Variants in CCSER1 observed in about 807,000 individuals in gnomAD.
The protein encoded by CCSER1 is serine-rich coiled-coil domain-containing protein 1.
A neutral mutation model predicts 82.0 loss-of-function variants in CCSER1; 41 were observed. The observed-to-expected ratio is 0.50, with a 90% CI of 0.39 to 0.65. The LOEUF (loss-of-function observed/expected upper bound fraction) is 0.65, where lower values mean the gene tolerates loss of function less well. Ranked by LOEUF, CCSER1 falls within the 30% of genes least tolerant of loss-of-function variation. CCSER1 has a pLI of 0.00. For missense variants in CCSER1, 1,119 were observed against 1,064.2 expected, an observed-to-expected ratio of 1.05 and a Z score of -0.72; for synonymous variants, 414 against 383.9, an observed-to-expected ratio of 1.08 and a Z score of -0.92.
intron 6 of CCSER1, among the ~76,000 whole-genome samples, chr4:90,658,596 T>A (rs1730155038): frequency 6.6e-6 from 1 of 152,154 alleles, no homozygotes; most frequent in Non-Finnish European, 1.5e-5. Context: ...TGACACCAAA[T>A]GTTACATTTG....
chr4:91,006,953 C>G (rs1183604377), intron 9 of CCSER1, among the ~76,000 whole-genome samples: 1 of 152,132 alleles, frequency 6.6e-6, no homozygotes, highest in Non-Finnish European at 1.5e-5. Context: ...TACATACTTG[C>G]TATCCCTAAT....
At chr4:91,285,254 T>G (rs1438869573) in intron 10 of CCSER1, among the ~76,000 whole-genome samples, 4 of 151,596 alleles carry the variant, frequency 2.6e-5, no homozygotes, top group Admixed American at 2.0e-4. Context: ...TGGGTTTTTT[T>G]TTTTTTTTTT....
intron 1 of CCSER1, among the ~76,000 whole-genome samples, chr4:90,294,769 C>T (rs956016181): frequency 6.6e-6 from 1 of 151,954 alleles, no homozygotes; most frequent in Non-Finnish European, 1.5e-5. Flanking sequence ...AACACCATGT[C>T]CCCGTTGACG....
At chr4:91,242,632 A>C (rs1457747489) in intron 10 of CCSER1, among the ~76,000 whole-genome samples, 7 of 152,194 alleles carry the variant, frequency 4.6e-5, no homozygotes, top group Middle Eastern at 3.2e-3. Flanking sequence ...CATGAAAGAA[A>C]AATCTTGACA....
intron 6 of CCSER1, among the ~76,000 whole-genome samples, chr4:90,647,398 C>T (rs1727786257): frequency 6.6e-6 from 1 of 152,098 alleles, no homozygotes; most frequent in Non-Finnish European, 1.5e-5. Context: ...TTTTACAGGG[C>T]TTTCTAGATT....
intron 10 of CCSER1, among the ~76,000 whole-genome samples, chr4:91,107,250 A>G (rs577475083): frequency 6.6e-6 from 1 of 152,038 alleles, no homozygotes; most frequent in Non-Finnish European, 1.5e-5. Flanking sequence ...AAATCACCTG[A>G]CAATGCATTT....
intron 9 of CCSER1, among the ~76,000 whole-genome samples, chr4:91,083,415 G>A (rs114300082): frequency 6.6e-6 from 1 of 151,906 alleles, no homozygotes. Flanking sequence ...CTGCCGGGGG[G>A]TTGGCGGGGG....
At chr4:91,127,275 G>GA (rs975964620) in intron 10 of CCSER1, among the ~76,000 whole-genome samples, 13 of 152,024 alleles carry the variant, frequency 8.6e-5, no homozygotes, top group African/African-American at 2.9e-4. Flanking sequence ...GGAAATATGT[G>GA]AAAAAAATTG....
chr4:91,184,299 C>T (rs997471034), intron 10 of CCSER1, among the ~76,000 whole-genome samples: 13 of 152,212 alleles, frequency 8.5e-5, no homozygotes, highest in Non-Finnish European at 1.5e-4. Context: ...ACTTAGCAGG[C>T]TGCAGGTTGT....
chr4:91,070,404 G>A (rs1174708438), intron 9 of CCSER1, among the ~76,000 whole-genome samples: 2 of 152,120 alleles, frequency 1.3e-5, no homozygotes, highest in African/African-American at 4.8e-5. Context: ...AGTTAGTTTA[G>A]TTTTCACCCT....
chr4:90,169,191 C>G (rs1359278041), intron 1 of CCSER1, among the ~76,000 whole-genome samples: 1 of 151,984 alleles, frequency 6.6e-6, no homozygotes, highest in African/African-American at 2.4e-5. Flanking sequence ...AGGTCCTTCA[C>G]ATCCCTTGTA....
chr4:91,355,135 A>C lies in CCSER1; in HGVS notation c.2218-243437A>C, dbSNP rs368314235. 3.4e-4 allele frequency among the ~76,000 whole-genome samples: 52 copies of C among 152,188 alleles called. No homozygotes were observed. In the East Asian group the frequency reaches 5.8e-3, roughly 17 times the overall value. The stretch of plus-strand genomic sequence containing the variant: ...AGATCTTTTTTTAATCCTCTTTTCA[A>C]GTAGCCTAAATGACACAAGACCAGT... On this transcript the variant is annotated intron_variant, in intron 10 of 10. Transcript: ENST00000509176.
chr4:91,435,774 C>T (rs1457461275), intron 10 of CCSER1, among the ~76,000 whole-genome samples: 2 of 152,294 alleles, frequency 1.3e-5, no homozygotes, highest in East Asian at 3.9e-4. Context: ...ATTATTTTGG[C>T]ATGCTTTCAT....
At chr4:91,165,858 A>G (rs1731994704) in intron 10 of CCSER1, among the ~76,000 whole-genome samples, 1 of 152,206 alleles carries the variant, frequency 6.6e-6, no homozygotes, top group Admixed American at 6.5e-5. Context: ...TGGCTCGGAA[A>G]GGGAAATCCC....
At chr4:90,986,619 C>T (rs17017876) in intron 9 of CCSER1, among the ~76,000 whole-genome samples, 7,539 of 151,574 alleles carry the variant, frequency 0.05, 471 homozygotes, top group African/African-American at 0.15. Flanking sequence ...TAGTTAGACA[C>T]CAAACCACAT....
chr4:90,885,423 A>G (rs1416090126), intron 8 of CCSER1, among the ~76,000 whole-genome samples: 1 of 152,236 alleles, frequency 6.6e-6, no homozygotes, highest in Non-Finnish European at 1.5e-5. Flanking sequence ...TTTATGATAC[A>G]GAATTTCTGA....
At chr4:90,471,275 C>G (rs1764357617) in intron 5 of CCSER1, among the ~76,000 whole-genome samples, 1 of 151,830 alleles carries the variant, frequency 6.6e-6, no homozygotes, top group Non-Finnish European at 1.5e-5. Flanking sequence ...CAACCCCCAC[C>G]AATTTTCTTA....
intron 1 of CCSER1, among the ~76,000 whole-genome samples, chr4:90,148,967 C>T (rs1353797903): frequency 6.6e-6 from 1 of 152,002 alleles, no homozygotes; most frequent in Non-Finnish European, 1.5e-5. Flanking sequence ...TGAATAATGA[C>T]ATGCATTTTA....
At chr4:90,669,599 C>T (rs1398483992) in intron 6 of CCSER1, among the ~76,000 whole-genome samples, 2 of 151,896 alleles carry the variant, frequency 1.3e-5, no homozygotes, top group Non-Finnish European at 1.5e-5. Context: ...AGGAAGGTAT[C>T]GTTTAGGGGA....
Sources: allele counts gnomAD v4.1 joint callset (sites outside exome capture counted in the v4.1 genomes callset), GRCh38; gene constraint gnomAD v4.1.1; transcripts MANE v1.5; gene names NCBI Gene and HGNC (gene_info 2026-07-23, HGNC 2026-07-21).